The following CUX1 variants were observed in gnomAD, a reference collection of about 807,000 sequenced individuals.
CUX1 encodes protein CASP.
In CUX1, 31 loss-of-function variants were observed where a neutral mutation model predicts 158.8. The ratio of observed to expected loss-of-function variants is 0.20; its 90% CI spans 0.15 to 0.26. The LOEUF is 0.26. Among genes scored for constraint, CUX1 ranks in the 10% least tolerant of loss-of-function variants. The pLI is 1.00. For missense variants in CUX1, 1,589 were observed against 2,014.6 expected (o/e 0.79, Z 4.04); for synonymous variants, 879 against 862.1 (o/e 1.02, Z -0.34).
At chr7:101,859,940 C>T (rs1436290193) in intron 1 of CUX1, among the ~76,000 whole-genome samples, 3 of 150,418 alleles carry the variant, frequency 2.0e-5, no homozygotes, top group Non-Finnish European at 4.4e-5. Context: ...TTTGCTCCTT[C>T]CTTCCTTCCT....
At chr7:102,202,674 G>A (rs1463500123) in intron 18 of CUX1, among the ~76,000 whole-genome samples, 2 of 152,154 alleles carry the variant, frequency 1.3e-5, no homozygotes, top group Non-Finnish European at 2.9e-5. Context: ...AGCCAAAAGG[G>A]ACTTACTAGA....
chr7:101,959,771 C>G (rs1159940597), intron 2 of CUX1, among the ~76,000 whole-genome samples: 3 of 152,026 alleles, frequency 2.0e-5, no homozygotes, highest in African/African-American at 7.2e-5. Flanking sequence ...TTTCCACTGC[C>G]TAATTAATGG....
At chr7:102,145,811 G>A (rs1834969135) in intron 8 of CUX1, among the ~76,000 whole-genome samples, 1 of 152,118 alleles carries the variant, frequency 6.6e-6, no homozygotes, top group South Asian at 2.1e-4. Context: ...GCTGGGCATG[G>A]TGGCAGGCTC....
chr7:101,953,108 G>T (rs548704694), intron 2 of CUX1, among the ~76,000 whole-genome samples: 30 of 152,282 alleles, frequency 2.0e-4, no homozygotes, highest in African/African-American at 7.2e-4. Flanking sequence ...AGCCCGCTGG[G>T]GTTCCTGATT....
chr7:101,875,940 G>C (rs1799081031), intron 1 of CUX1, among the ~76,000 whole-genome samples: 2 of 152,102 alleles, frequency 1.3e-5, no homozygotes, highest in African/African-American at 4.8e-5. Context: ...AGTAAAGATG[G>C]CCATGAATCC....
At chr7:102,188,238 A>G (rs1389812681) in intron 11 of CUX1, among the ~76,000 whole-genome samples, 1 of 151,998 alleles carries the variant, frequency 6.6e-6, no homozygotes, top group East Asian at 1.9e-4. Context: ...CAAGAAGCAT[A>G]ATACCTAGAA....
At chr7:102,007,911 A>G (rs897403705) in intron 2 of CUX1, among the ~76,000 whole-genome samples, 2 of 151,602 alleles carry the variant, frequency 1.3e-5, no homozygotes, top group Admixed American at 6.6e-5. Context: ...CACCCGGCTA[A>G]TTTTTGTATT....
At chr7:102,048,285 C>T (rs916798512) in intron 3 of CUX1, among the ~76,000 whole-genome samples, 3 of 152,142 alleles carry the variant, frequency 2.0e-5, no homozygotes, top group African/African-American at 7.2e-5. Context: ...GGGCAAATGC[C>T]ACCCTCGTGC....
At chr7:101,841,502 AT>A (rs961258368) in intron 1 of CUX1, among the ~76,000 whole-genome samples, 47 of 148,872 alleles carry the variant, frequency 3.2e-4, no homozygotes, top group African/African-American at 1.1e-3. Flanking sequence ...TTCTGAGTGC[AT>A]TTTTTTTCTA....
At chr7:102,070,186 G>T (rs527449153) in intron 3 of CUX1, among the ~76,000 whole-genome samples, 153 bp from the exon 4 acceptor site, 5 of 152,282 alleles carry the variant, frequency 3.3e-5, no homozygotes, top group African/African-American at 1.2e-4. Context: ...GGGTCCTTTT[G>T]TGTTTGCAGG....
intron 20 of CUX1, among the ~76,000 whole-genome samples, chr7:102,222,811 C>CCTTTTTTTTTTTTTTTT (rs1797941516): frequency 3.9e-5 from 1 of 25,510 alleles, no homozygotes; most frequent in Non-Finnish European, 6.3e-5. Context: ...GGCACCGTAT[C>CCTTTTTTTTTTTTTTTT]TTTTTTTTTT....
chr7:102,017,442 C>T (rs1399034107), intron 2 of CUX1, among the ~76,000 whole-genome samples: 1 of 149,130 alleles, frequency 6.7e-6, no homozygotes, highest in African/African-American at 2.5e-5. Context: ...CCTCAAATGT[C>T]TCCTAGAAAT....
chr7:102,055,738 CT>C (rs1034025122), intron 3 of CUX1, among the ~76,000 whole-genome samples: 29 of 152,248 alleles, frequency 1.9e-4, no homozygotes, highest in African/African-American at 6.0e-4. Context: ...ATGTCTTTCA[CT>C]TTAAGTCAAA....
At chr7:102,241,685 A>T (rs578049155) in intron 23 of CUX1, among the ~76,000 whole-genome samples, 1 of 152,396 alleles carries the variant, frequency 6.6e-6, no homozygotes, top group Admixed American at 6.5e-5. Context: ...AAGTCACAAG[A>T]TGCTGCTCAT....
intron 20 of CUX1, among the ~76,000 whole-genome samples, chr7:102,216,061 T>C (rs1166706736): frequency 6.6e-6 from 1 of 152,096 alleles, no homozygotes; most frequent in African/African-American, 2.4e-5. Context: ...CCCAGCACTT[T>C]GGGAGGCCGC....
At chr7:102,101,914 TA>T (rs66607293) in intron 5 of CUX1, among the ~76,000 whole-genome samples, 13,753 of 139,292 alleles carry the variant, frequency 0.099, 1,015 homozygotes, top group African/African-American at 0.22. Context: ...TCTGTCTCAA[TA>T]AAAAAAAAAA....
At chr7:102,100,017 C>G (rs782255937) in intron 5 of CUX1, among the ~76,000 whole-genome samples, 1 of 152,144 alleles carries the variant, frequency 6.6e-6, no homozygotes, top group Non-Finnish European at 1.5e-5. Context: ...CAGCGACTCA[C>G]GCCTATAATC....
At chr7:102,073,924 C>T (rs1306913662) in intron 4 of CUX1, among the ~76,000 whole-genome samples, 1 of 152,222 alleles carries the variant, frequency 6.6e-6, no homozygotes, top group Admixed American at 6.5e-5. Flanking sequence ...AATACATCTA[C>T]ATTCCACATA....
chr7:102,174,555 C>T (rs1792092819), intron 10 of CUX1, among the ~76,000 whole-genome samples: 1 of 152,212 alleles, frequency 6.6e-6, no homozygotes, highest in Non-Finnish European at 1.5e-5. Context: ...CTCCCCAAGC[C>T]CCTCTCTGTT....
Sources: allele counts gnomAD v4.1 joint callset (sites outside exome capture counted in the v4.1 genomes callset), GRCh38; gene constraint gnomAD v4.1.1; transcripts MANE v1.5; gene names NCBI Gene and HGNC (gene_info 2026-07-23, HGNC 2026-07-21).